PIK3C2G: variants seen among roughly 807,000 people sequenced by gnomAD.
PIK3C2G encodes phosphatidylinositol-4-phosphate 3-kinase catalytic subunit type 2 gamma.
A neutral mutation model predicts 181.1 loss-of-function variants in PIK3C2G; 168 were observed. The observed-to-expected ratio is 0.93, with a 90% CI of 0.82 to 1.05. The LOEUF is 1.05. Ranked by LOEUF, PIK3C2G falls within the 50% of genes least tolerant of loss-of-function variation. PIK3C2G has a pLI of 0.00. For synonymous variants in PIK3C2G, 573 were observed against 592.2 expected (o/e 0.97, Z 0.47); for missense variants, 1,869 against 1,732.8 (o/e 1.08, Z -1.40).
At chr12:18,472,776 C>A (rs533249478) in intron 18 of PIK3C2G, among the ~76,000 whole-genome samples, 1 of 152,056 alleles carries the variant, frequency 6.6e-6, no homozygotes, top group South Asian at 2.1e-4. Flanking sequence ...CTTGGCTCAC[C>A]GCAACTTCCA....
intron 31 of PIK3C2G, among the ~76,000 whole-genome samples, chr12:18,639,135 A>C (rs1432102720): frequency 2.0e-5 from 3 of 152,030 alleles, no homozygotes; most frequent in Non-Finnish European, 4.4e-5. Context: ...CATATTGACA[A>C]ATGAGGGTGT....
At chr12:18,494,662 C>T (rs1286974303) in intron 20 of PIK3C2G, among the ~76,000 whole-genome samples, 1 of 152,024 alleles carries the variant, frequency 6.6e-6, no homozygotes, top group African/African-American at 2.4e-5. Context: ...AGATTCCCCA[C>T]ATATTCAATG....
chr12:18,694,153 G>A, the PIK3C2G span: 4 of 760,262 alleles, frequency 5.3e-6, no homozygotes, highest in East Asian at 2.6e-5. Flanking sequence ...GTCCCTGAAA[G>A]GGATGAGGCT....
At chr12:18,487,096 T>TTGTGTGTGTGTGTGTGTGTG (rs35440588) in intron 18 of PIK3C2G, among the ~76,000 whole-genome samples, 3 of 142,106 alleles carry the variant, frequency 2.1e-5, no homozygotes, top group African/African-American at 7.9e-5. Flanking sequence ...TTGAGGTATT[T>TTGTGTGTGTGTGTGTGTGTG]TGTGTGTGTG....
chr12:18,443,309 T>G (rs1201250618), intron 18 of PIK3C2G, among the ~76,000 whole-genome samples: 1 of 152,136 alleles, frequency 6.6e-6, no homozygotes, highest in Non-Finnish European at 1.5e-5. Flanking sequence ...TGTTTGTGAG[T>G]GTATGTATGT....
chr12:18,496,721 C>T (rs1455446292), intron 21 of PIK3C2G, among the ~76,000 whole-genome samples: 1 of 151,968 alleles, frequency 6.6e-6, no homozygotes, highest in African/African-American at 2.4e-5. Context: ...AGAATATGCC[C>T]GTCTTCCAGT....
chr12:18,469,046 G>C (rs1022960695), intron 18 of PIK3C2G, among the ~76,000 whole-genome samples: 7 of 151,992 alleles, frequency 4.6e-5, no homozygotes, highest in Admixed American at 1.3e-4. Context: ...GCAGCAAAAG[G>C]GTCTCTAGAA....
At chr12:18,543,981 G>T (rs1944297148) in intron 25 of PIK3C2G, among the ~76,000 whole-genome samples, 1 of 151,812 alleles carries the variant, frequency 6.6e-6, no homozygotes, top group African/African-American at 2.4e-5. Flanking sequence ...GTAAAAGCTA[G>T]GAAGCAATAC....
the PIK3C2G span, among the ~76,000 whole-genome samples, chr12:18,653,846 C>T: frequency 2.6e-5 from 4 of 152,150 alleles, no homozygotes; most frequent in South Asian, 2.1e-4. Context: ...AGAAAATGCC[C>T]TCTTCCTAGG....
chr12:18,630,110 G>A (rs1483079842), intron 31 of PIK3C2G, among the ~76,000 whole-genome samples: 2 of 152,050 alleles, frequency 1.3e-5, no homozygotes, highest in African/African-American at 4.8e-5. Flanking sequence ...GACTATGAAA[G>A]TAAAGAATAA....
intron 12 of PIK3C2G, among the ~76,000 whole-genome samples, chr12:18,366,394 G>A (rs776576362): frequency 6.6e-5 from 10 of 152,070 alleles, no homozygotes; most frequent in South Asian, 2.1e-4. Context: ...TTAGCCAGGC[G>A]TGGTGGCCTG....
chr12:18,452,082 T>C (rs972740907), intron 18 of PIK3C2G, among the ~76,000 whole-genome samples: 1 of 152,248 alleles, frequency 6.6e-6, no homozygotes, highest in African/African-American at 2.4e-5. Flanking sequence ...GATGCTGGCC[T>C]CATAAAATGA....
At chr12:18,588,330 G>A (rs1030844991) in intron 29 of PIK3C2G, among the ~76,000 whole-genome samples, 1 of 151,900 alleles carries the variant, frequency 6.6e-6, no homozygotes, top group Non-Finnish European at 1.5e-5. Flanking sequence ...CTGAATGAGA[G>A]AAAATACTTG....
At chr12:18,616,423 T>C (rs1452649543) in intron 31 of PIK3C2G, among the ~76,000 whole-genome samples, 1 of 152,150 alleles carries the variant, frequency 6.6e-6, no homozygotes, top group Non-Finnish European at 1.5e-5. Flanking sequence ...AATCAATAGC[T>C]TTTATCTGTG....
intron 31 of PIK3C2G, among the ~76,000 whole-genome samples, chr12:18,634,267 C>T (rs1949491703): frequency 1.3e-5 from 2 of 152,162 alleles, no homozygotes; most frequent in Non-Finnish European, 2.9e-5. Flanking sequence ...TAGTGTGAAG[C>T]ATGATGATAG....
At chr12:18,412,196 C>T (rs1944903139) in intron 16 of PIK3C2G, among the ~76,000 whole-genome samples, 1 of 151,976 alleles carries the variant, frequency 6.6e-6, no homozygotes, top group Non-Finnish European at 1.5e-5. Context: ...AATTTGAGCC[C>T]AGAGAAAACA....
At chr12:18,638,872 G>A (rs1378730283) in intron 31 of PIK3C2G, among the ~76,000 whole-genome samples, 2 of 149,804 alleles carry the variant, frequency 1.3e-5, no homozygotes, top group East Asian at 4.0e-4. Context: ...ATTATAGGCA[G>A]GATATCCTCA....
chr12:18,301,147 C>T (rs1565573032), intron 5 of PIK3C2G, among the ~76,000 whole-genome samples: 1 of 152,066 alleles, frequency 6.6e-6, no homozygotes, highest in Non-Finnish European at 1.5e-5. Flanking sequence ...TACTCTTTGT[C>T]TTTGGCTTTT....
At chr12:18,429,969 C>T (rs913191816) in intron 18 of PIK3C2G, among the ~76,000 whole-genome samples, 1 of 152,130 alleles carries the variant, frequency 6.6e-6, no homozygotes, top group Non-Finnish European at 1.5e-5. Context: ...ATTCCAGAGC[C>T]TCCCCATAAA....
Sources: allele counts gnomAD v4.1 joint callset (sites outside exome capture counted in the v4.1 genomes callset), GRCh38; gene constraint gnomAD v4.1.1; transcripts MANE v1.5; gene names NCBI Gene and HGNC (gene_info 2026-07-23, HGNC 2026-07-21).